Variants in MAZ observed in about 807,000 individuals in gnomAD.
MAZ encodes myc-associated zinc finger protein.
In MAZ, 4 loss-of-function variants were observed where a neutral mutation model predicts 32.7. The ratio of observed to expected loss-of-function variants is 0.12; its 90% confidence interval spans 0.06 to 0.28. The LOEUF is 0.28. Among genes scored for constraint, MAZ ranks in the 10% least tolerant of loss-of-function variants. MAZ has a pLI of 1.00. For synonymous variants in MAZ, 510 were observed against 297.6 expected (o/e 1.71, Z -7.35); for missense variants, 763 against 667.2 (o/e 1.14, Z -1.58).
At chr16:29,809,421 A>C in intron 4 of MAZ, 1 of 689,956 alleles carries the variant, frequency 1.4e-6, no homozygotes, top group South Asian at 1.6e-5. Context: ...GCTACCAAGG[A>C]TACCGTGGGA....
intron 4 of MAZ, chr16:29,809,522 CAAT>C: frequency 6.4e-7 from 1 of 1,565,462 alleles, no homozygotes; most frequent in Non-Finnish European, 8.8e-7. Context: ...CGCCCCATCC[CAAT>C]CCACCCCCCA....
Position 29,807,703 on chromosome 16 carries a change from C to T in MAZ, c.918C>T (p.Pro306=), listed in dbSNP as rs372590346. Residue 306 remains proline, a synonymous_variant, in exon 2 of 5, where the codon CCC becomes CCT. Transcript: ENST00000322945. ...RHKLSHSDEK[P]YQCPVCQQRF... is the part of the protein sequence containing the mutation. ...AGCTGTCGCACTCGGACGAGAAGCC[C>T]TACCAGTGCCCGGTGTGCCAGCAGC... 2.5e-5 allele frequency: 41 copies of T among 1,612,954 alleles called. No homozygotes were observed. Among genetic ancestry groups the T allele is most frequent in the African/African-American group, 2.0e-4 (15 of 75,070 alleles).
rs1210661783 is a variant in MAZ at position 29,810,552 on chromosome 16, G to A, written c.*321G>A. 1.4e-6 allele frequency: 1 copy of A among 699,862 alleles called. No homozygotes were observed. Among genetic ancestry groups the A allele is most frequent in the Admixed American group, 2.0e-5 (1 of 49,914 alleles). 43.4% of individuals were successfully genotyped at this position (699,862 alleles called of 1,614,324 possible). On this transcript the variant is annotated 3_prime_UTR_variant, in exon 5 of 5. Transcript: ENST00000322945. Reference sequence around the variant, plus strand: ...TCTCCTCTCTGTAAGCCCATGCCCTGTCTTCCCAGGGACTTGTGAGCCTCT... The same window carrying A: ...TCTCCTCTCTGTAAGCCCATGCCCTATCTTCCCAGGGACTTGTGAGCCTCT...
intron 4 of MAZ, chr16:29,808,984 G>C: frequency 1.8e-6 from 1 of 566,940 alleles, no homozygotes; most frequent in Non-Finnish European, 3.1e-6. Context: ...GGGAAAGCGG[G>C]AGTGGAACTT....
Position 29,807,162 on chromosome 16 carries a change from C to T in MAZ, c.377C>T (p.Ala126Val). The change falls in exon 2 of 5, where the codon GCC (alanine) becomes GTC (valine). Residue 126 changes from alanine (A) to valine (V), a missense_variant. Ala to Val is a moderately conservative substitution (Grantham distance 64). Transcript: ENST00000322945. ...PAAASTVDTA[A>V]LKQPPAPPPP... ...GCCGCCTCTACGGTGGACACAGCGGCCCTGAAGCAGCCTCCGGCGCCCCCT... is the reference window on the plus strand; with the variant it reads ...GCCGCCTCTACGGTGGACACAGCGGTCCTGAAGCAGCCTCCGGCGCCCCCT... 1.6e-5 allele frequency: 18 copies of T among 1,095,124 alleles called. No homozygotes were observed. The highest frequency in any genetic ancestry group is 2.0e-5 in the Non-Finnish European group (18 of 878,276). The allele number at this position is 1,095,124 out of a possible 1,614,324, so 67.8% of individuals were successfully genotyped here.
chr16:29,807,043 C>G lies in MAZ; in HGVS notation c.258C>G (p.Leu86=), dbSNP rs1467299842. 3 of 1,013,390 alleles carry G rather than the reference C, an allele frequency of 3.0e-6. No individual in the cohort carries two copies. The highest frequency in any genetic ancestry group is 3.5e-6 in the Non-Finnish European group (3 of 852,172). 62.8% of individuals were successfully genotyped at this position (1,013,390 alleles called of 1,614,324 possible). ...CCGAGCCCCTCCAGGTGGACTTGCT[C>G]CCGGTGCTCGCCGCCGCCCAGGAGT... The part of the protein sequence containing the change: ...PAAEPLQVDL[L]PVLAAAQESA... Residue 86 remains leucine, a synonymous_variant, in exon 2 of 5, where the codon CTC becomes CTG. Transcript: ENST00000322945.
At position 29,807,464 on chromosome 16, in the gene MAZ, A is replaced by G; in HGVS notation, c.679A>G (p.Met227Val). 1 of 1,612,352 alleles carries G rather than the reference A, an allele frequency of 6.2e-7. No homozygotes were observed. Among genetic ancestry groups the G allele is most frequent in the Non-Finnish European group, 8.5e-7 (1 of 1,179,706 alleles). The change falls in exon 2 of 5, where the codon ATG becomes GTG. Residue 227 changes from methionine to valine, a missense_variant. Met to Val is a conservative substitution (Grantham distance 21). Coordinates refer to ENST00000322945, the MANE Select transcript of MAZ (RefSeq NM_002383.4). ...CCGGGTCCCCTCGGGTGCTATGAAG[A>G]TGCCGACCATGGTGCCCCTGAGCCT... The part of the protein sequence containing the change: ...AGRVPSGAMK[M>V]PTMVPLSLLS...
rs145590189 is a variant in MAZ at position 29,810,874 on chromosome 16, G to A, written c.*643G>A. 1.8e-5 allele frequency: 6 copies of A among 340,612 alleles called. No individual in the cohort carries two copies. The highest frequency in any genetic ancestry group is 1.7e-4 in the East Asian group (2 of 11,614). The allele number at this position is 340,612 out of a possible 1,614,324, so 21.1% of individuals were successfully genotyped here. A position where few individuals can be genotyped will look rare whatever the true frequency, so the allele number is the denominator to read the frequency against. ...AAAAAGTCAAGGGGAGCAGGAGGAA[G>A]AGCCAGGAGGGCCAGAGGCAGAGAA... On this transcript the variant is annotated 3_prime_UTR_variant, in exon 5 of 5. Transcript: ENST00000322945.
chr16:29,810,667 T>C lies in MAZ; in HGVS notation c.*436T>C. The stretch of plus-strand genomic sequence containing the variant: ...GGAGTTGGTGCTTTCTTTTCCTTTT[T>C]TTTTTTTTTCCAGGGGGAGGGAGGA... On this transcript the variant is annotated 3_prime_UTR_variant, in exon 5 of 5. Transcript: ENST00000322945. 1 of 517,576 alleles carries C rather than the reference T, an allele frequency of 1.9e-6. No individual in the cohort carries two copies. Among genetic ancestry groups the C allele is most frequent in the South Asian group, 2.0e-5 (1 of 49,124 alleles). The allele number at this position is 517,576 out of a possible 1,614,324, so 32.1% of individuals were successfully genotyped here.
At chr16:29,806,472 C>T (rs1278764788), upstream of MAZ, 4 of 204,112 alleles carry the variant, frequency 2.0e-5, no homozygotes, top group African/African-American at 1.1e-4. Context: ...CTCCCGCCCC[C>T]ACCCAGGGGG....
intron 4 of MAZ, chr16:29,809,066 C>T: frequency 1.9e-6 from 1 of 530,362 alleles, no homozygotes; most frequent in South Asian, 2.8e-5. Context: ...CGCTGCGCAG[C>T]CACAAGGTCT....
Position 29,806,967 on chromosome 16 carries a change from T to G in MAZ, c.193-11T>G, listed in dbSNP as rs1008912031. 63 of 1,062,798 alleles carry G rather than the reference T, an allele frequency of 5.9e-5. No homozygotes were observed. The highest frequency in any genetic ancestry group is 4.2e-4 in the Middle Eastern group (1 of 2,360). 65.8% of individuals were successfully genotyped at this position (1,062,798 alleles called of 1,614,324 possible). A position where few individuals can be genotyped will look rare whatever the true frequency, so the allele number is the denominator to read the frequency against. On this transcript the variant is annotated splice_polypyrimidine_tract_variant and intron_variant, in intron 1 of 4. Coordinates refer to ENST00000322945, the MANE Select transcript of MAZ (RefSeq NM_002383.4). ...CGCACCCGCGGCCCACTCGGCGCCT[T>G]GTCTCCGCAGGCCGCGCCGGCGCCC...
chr16:29,809,628 G>A (rs755963202), intron 4 of MAZ: 2 of 1,609,592 alleles, frequency 1.2e-6, no homozygotes, highest in Non-Finnish European at 1.7e-6. Flanking sequence ...TGTGCAAGCT[G>A]TGCAGCGTGC....
chr16:29,807,467 C>G lies in MAZ; in HGVS notation c.682C>G (p.Pro228Ala). Residue 228 changes from proline to alanine, a missense_variant, in exon 2 of 5, where the codon CCG (proline) becomes GCG (alanine). Pro to Ala is a conservative substitution (Grantham distance 27, BLOSUM62 -1). Coordinates refer to ENST00000322945, the MANE Select transcript of MAZ (RefSeq NM_002383.4). ...GGTCCCCTCGGGTGCTATGAAGATGCCGACCATGGTGCCCCTGAGCCTCCT... is the reference window on the plus strand; with the variant it reads ...GGTCCCCTCGGGTGCTATGAAGATGGCGACCATGGTGCCCCTGAGCCTCCT... ...GRVPSGAMKM[P>A]TMVPLSLLSV... The G allele has an allele frequency of 1.9e-6, 3 of 1,612,322 alleles. No individual in the cohort carries two copies. The highest frequency in any genetic ancestry group is 2.5e-6 in the Non-Finnish European group (3 of 1,179,726).
chr16:29,808,445 C>A (rs1036601439), intron 3 of MAZ, 125 bp from the exon 4 acceptor site: 3 of 980,030 alleles, frequency 3.1e-6, no homozygotes, highest in Admixed American at 4.1e-5. Flanking sequence ...CATCATGTCA[C>A]TCCCATTTCC....
upstream of MAZ, chr16:29,806,234 G>GCCCT: frequency 4.5e-6 from 1 of 221,348 alleles, no homozygotes; most frequent in Non-Finnish European, 7.6e-6. Context: ...CCTCCTGCCC[G>GCCCT]CCCTCCCTCC....
At chr16:29,808,180 A>G in intron 2 of MAZ, 50 bp from the exon 3 acceptor site, 2 of 1,518,194 alleles carry the variant, frequency 1.3e-6, no homozygotes, top group East Asian at 2.3e-5. Flanking sequence ...GGTTTGGTGG[A>G]TTTGGGGCGC....
At chr16:29,808,122 C>T (rs1034952522) in intron 2 of MAZ, 108 bp from the exon 3 acceptor site, 5 of 1,114,362 alleles carry the variant, frequency 4.5e-6, no homozygotes, top group South Asian at 2.5e-5. Flanking sequence ...CTGTGACGGC[C>T]TGGGCTCCGG....
intron 1 of MAZ, 24 bp downstream of exon 1, chr16:29,806,917 CCCGGGCTGGGGGGG>C: frequency 7.9e-7 from 1 of 1,264,500 alleles, no homozygotes; most frequent in Non-Finnish European, 1.0e-6. Flanking sequence ...GCCGCGGCGG[CCCGGGCTGGGGGGG>C]GACGCCCGCC....
Sources: gnomAD v4.1 joint callset for allele counts on GRCh38, gnomAD v4.1.1 for gene constraint, MANE v1.5 for transcripts, NCBI Gene and HGNC (gene_info 2026-07-23, HGNC 2026-07-21) for gene names.